DMXL1: variants seen among roughly 807,000 people sequenced by gnomAD.
DMXL1 encodes dmX-like protein 1.
DMXL1 carries 99 observed loss-of-function variants against 319.2 expected under a neutral mutation model. The ratio of observed to expected loss-of-function variants is 0.31; its 90% confidence interval spans 0.26 to 0.37. DMXL1 has a LOEUF of 0.37. DMXL1 is among the 10% of genes least tolerant of loss of function. DMXL1 has a pLI of 1.00. For synonymous variants in DMXL1, 1,385 were observed against 1,235.2 expected, an observed-to-expected ratio of 1.12 and a Z score of -2.54; for missense variants, 3,745 against 3,595.6, an observed-to-expected ratio of 1.04 and a Z score of -1.06.
rs765150109 is a variant in DMXL1 at position 119,121,031 on chromosome 5, G to C, written c.994G>C (p.Gly332Arg). 2 of 1,613,570 alleles carry C rather than the reference G, an allele frequency of 1.2e-6. No homozygotes were observed. The highest frequency in any genetic ancestry group is 1.7e-6 in the Non-Finnish European group (2 of 1,179,900). Residue 332 changes from glycine to arginine, a missense_variant, in exon 9 of 44, where the codon GGA becomes CGA. Coordinates refer to ENST00000539542, the MANE Select transcript of DMXL1 (RefSeq NM_001290321.3). ...RRSLALVAHTGYLPHQQDPHH... is the reference protein window; with the variant it reads ...RRSLALVAHTRYLPHQQDPHH... Reference sequence around the variant, plus strand: ...ATCACTTGCTCTTGTAGCACATACGGGATATCTACCACATCAGCAGGATCC... The same window carrying C: ...ATCACTTGCTCTTGTAGCACATACGCGATATCTACCACATCAGCAGGATCC...
At chr5:119,071,681 G>T (rs1464119991) in intron 1 of DMXL1, 25 bp downstream of exon 1, 2 of 1,557,722 alleles carry the variant, frequency 1.3e-6, no homozygotes, top group Non-Finnish European at 1.7e-6. Flanking sequence ...CCCTCGCGTC[G>T]CCCGTGGCCC....
At position 119,166,596 on chromosome 5, in the gene DMXL1, C is replaced by T. The variant is rs754381198; in HGVS notation, c.4971-20C>T. On this transcript the variant is annotated intron_variant, in intron 21 of 43. Coordinates refer to ENST00000539542, the MANE Select transcript of DMXL1 (RefSeq NM_001290321.3). ...AAAATTGTATTCCAAAATTTTCACA[C>T]CATTTTTTTTCCTTTATAGAGCTGA... The T allele has an allele frequency of 3.2e-6, 5 of 1,575,224 alleles. No homozygotes were observed. The East Asian group carries it at 9.1e-5, about 29-fold the overall frequency.
intron 29 of DMXL1, among the ~76,000 whole-genome samples, chr5:119,190,227 TATC>T (rs1349475693): frequency 6.6e-6 from 1 of 152,242 alleles, no homozygotes; most frequent in African/African-American, 2.4e-5. Flanking sequence ...GGTCATCTAT[TATC>T]CATATACTCT....
At chr5:119,162,136 C>T (rs1034610168) in intron 19 of DMXL1, among the ~76,000 whole-genome samples, 7 of 152,098 alleles carry the variant, frequency 4.6e-5, no homozygotes, top group Non-Finnish European at 7.4e-5. Flanking sequence ...CTTCTTGTAC[C>T]GCAAGCAAAT....
chr5:119,193,828 C>G lies in DMXL1; in HGVS notation c.7315C>G (p.Pro2439Ala), dbSNP rs1308909534. Residue 2439 changes from proline (P) to alanine (A), a missense_variant and splice_region_variant, in exon 30 of 44, where the codon CCT (proline) becomes GCT (alanine). Around this residue, in one of 4 missense-constraint regions of DMXL1, gnomAD observed 1,382 missense variants for 1,269.5 expected, o/e 1.09. Coordinates refer to ENST00000539542, the MANE Select transcript of DMXL1 (RefSeq NM_001290321.3). ...LSIWDYFIAK[P>A]FLPSSQSRAE... ...AAATTTCATGATTTCTTTATTTTAGCCTTTTCTACCCTCTTCTCAAAGTAG... is the reference window on the plus strand; with the variant it reads ...AAATTTCATGATTTCTTTATTTTAGGCTTTTCTACCCTCTTCTCAAAGTAG... 5.6e-6 allele frequency: 9 copies of G among 1,610,040 alleles called. No individual in the cohort carries two copies. The highest frequency in any genetic ancestry group is 6.8e-6 in the Non-Finnish European group (8 of 1,178,758).
intron 19 of DMXL1, among the ~76,000 whole-genome samples, chr5:119,155,249 C>T (rs183575536): frequency 3.3e-4 from 51 of 152,260 alleles, no homozygotes; most frequent in African/African-American, 1.2e-3. Flanking sequence ...TTTCATAAGG[C>T]TATAGCTGCT....
chr5:119,138,261 A>G (rs2150077118), intron 13 of DMXL1, among the ~76,000 whole-genome samples: 1 of 152,340 alleles, frequency 6.6e-6, no homozygotes, highest in East Asian at 1.9e-4. Context: ...AGAAAAAAAG[A>G]GGACTCCCAA....
rs543445956 is a variant in DMXL1 at position 119,175,381 on chromosome 5, A to G, written c.6758+44A>G. On this transcript the variant is annotated intron_variant, in intron 26 of 43. Transcript: ENST00000539542. ...AATTTAAGAATGCTTACAGTAAGCA[A>G]TGAGGTTTCATATTTTGTATGTTAG... is the stretch of plus-strand genomic sequence containing the variant. 57 of 1,373,844 alleles carry G rather than the reference A, an allele frequency of 4.1e-5. No individual in the cohort carries two copies. In the East Asian group the frequency reaches 8.0e-4, roughly 19 times the overall value. The allele number at this position is 1,373,844 out of a possible 1,614,324, so 85.1% of individuals were successfully genotyped here.
rs1488882460 is a variant in DMXL1, at chr5:119,171,814, G to C, written c.6526G>C (p.Glu2176Gln). 3.7e-6 allele frequency: 6 copies of C among 1,613,346 alleles called. No individual in the cohort carries two copies. Among genetic ancestry groups the C allele is most frequent in the Non-Finnish European group, 5.1e-6 (6 of 1,179,698 alleles). Residue 2176 changes from glutamate (E) to glutamine (Q), a missense_variant, in exon 25 of 44, where the codon GAG becomes CAG. Around this residue, in one of 4 missense-constraint regions of DMXL1, gnomAD observed 1,382 missense variants for 1,269.5 expected, o/e 1.09. Transcript: ENST00000539542. ...ACCACTATTTTCTAGCCCTCTGTCA[G>C]AGCAAACCTCAGTGCCTCTCCTCTT... is the stretch of plus-strand genomic sequence containing the variant. ...SEPLFSSPLS[E>Q]QTSVPLLFAC...
Position 119,191,086 on chromosome 5 carries a change from A to G in DMXL1, c.7314+1200A>G, listed in dbSNP as rs182705143. Reference sequence around the variant, plus strand: ...TTTCTATACATTTATAGCTAATGGTAAGAGTTTTTAGGGTTTTGACAAATA... The same window carrying G: ...TTTCTATACATTTATAGCTAATGGTGAGAGTTTTTAGGGTTTTGACAAATA... On this transcript the variant is annotated intron_variant, in intron 29 of 43. Transcript: ENST00000539542. Among the ~76,000 whole-genome samples, 7 of 152,332 alleles carry G rather than the reference A, an allele frequency of 4.6e-5. No homozygotes were observed. In the East Asian group the frequency reaches 1.4e-3, roughly 29 times the overall value.
At chr5:119,194,621 A>C (rs182766616) in intron 30 of DMXL1, among the ~76,000 whole-genome samples, 2 of 152,350 alleles carry the variant, frequency 1.3e-5, no homozygotes, top group East Asian at 3.9e-4. Flanking sequence ...GTCATTCTTT[A>C]TTTGAAAGTT....
intron 2 of DMXL1, among the ~76,000 whole-genome samples, chr5:119,101,353 G>T: frequency 6.6e-6 from 1 of 151,424 alleles, no homozygotes; most frequent in Admixed American, 6.6e-5. Flanking sequence ...CTCTCTGTTT[G>T]ATTTCCAATA....
intron 3 of DMXL1, among the ~76,000 whole-genome samples, chr5:119,102,960 A>G (rs1289523497): frequency 6.6e-6 from 1 of 152,170 alleles, no homozygotes; most frequent in Admixed American, 6.6e-5. Flanking sequence ...AGCAGAAAAG[A>G]TAACTATTGG....
At chr5:119,156,499 T>G (rs1306792108) in intron 19 of DMXL1, among the ~76,000 whole-genome samples, 1 of 152,234 alleles carries the variant, frequency 6.6e-6, no homozygotes, top group African/African-American at 2.4e-5. Flanking sequence ...AATTTATTGA[T>G]GGATACTTAG....
At chr5:119,110,356 T>A in intron 5 of DMXL1, 73 bp downstream of exon 5, 1 of 1,372,970 alleles carries the variant, frequency 7.3e-7, no homozygotes, top group Admixed American at 2.7e-5. Context: ...TGTATTTTAG[T>A]TGTGTAAAAC....
intron 13 of DMXL1, among the ~76,000 whole-genome samples, chr5:119,140,293 G>A (rs927180099): frequency 6.6e-5 from 10 of 152,092 alleles, no homozygotes; most frequent in African/African-American, 1.4e-4. Context: ...GAAGGAAATC[G>A]AAACACAAAA....
At chr5:119,097,866 G>A in intron 1 of DMXL1, 113 bp from the exon 2 acceptor site, 1 of 968,964 alleles carries the variant, frequency 1.0e-6, no homozygotes, top group Admixed American at 3.2e-5. Context: ...CCTAAAATTG[G>A]TCTTTTAAAA....
At chr5:119,234,484 C>G (rs1005762244) in intron 39 of DMXL1, among the ~76,000 whole-genome samples, 1 of 152,068 alleles carries the variant, frequency 6.6e-6, no homozygotes, top group Admixed American at 6.6e-5. Context: ...GTGCTGCAAC[C>G]TTTTTTGTCT....
At chr5:119,153,247 G>C (rs940062675) in intron 19 of DMXL1, among the ~76,000 whole-genome samples, 11 of 152,124 alleles carry the variant, frequency 7.2e-5, no homozygotes, top group African/African-American at 2.7e-4. Context: ...AAAGTGCTGG[G>C]CATTATGGGC....
Sources: gnomAD v4.1 joint callset for allele counts (sites outside exome capture counted in the v4.1 genomes callset) on GRCh38, gnomAD v4.1.1 for gene constraint, gnomAD v4.1.1 regional missense constraint, MANE v1.5 for transcripts, NCBI Gene and HGNC (gene_info 2026-07-23, HGNC 2026-07-21) for gene names.